NBEA: variants seen among roughly 807,000 people sequenced by gnomAD.
NBEA encodes the protein lysosomal-trafficking regulator 2.
Under a neutral mutation model 343.4 loss-of-function variants are expected in NBEA, and 44 were observed. The ratio of observed to expected loss-of-function variants is 0.13; its 90% CI spans 0.10 to 0.16. The LOEUF is 0.16. Among genes scored for constraint, NBEA ranks in the 10% least tolerant of loss-of-function variants. The pLI, the probability that NBEA is intolerant of heterozygous loss-of-function variation, is 1.00. For missense variants in NBEA, 2,555 were observed against 3,631.3 expected (o/e 0.70, Z 7.62); for synonymous variants, 1,175 against 1,238.7 (o/e 0.95, Z 1.08).
At chr13:35,406,297 C>CT (rs10638454) in intron 38 of NBEA, among the ~76,000 whole-genome samples, 1,672 of 144,074 alleles carry the variant, frequency 0.012, 19 homozygotes, top group Middle Eastern at 0.025. Context: ...TCAGCCAAAT[C>CT]TTTTTTTTTT....
chr13:34,980,599 C>T (rs1413165992), intron 1 of NBEA, among the ~76,000 whole-genome samples: 1 of 151,946 alleles, frequency 6.6e-6, no homozygotes, highest in African/African-American at 2.4e-5. Flanking sequence ...GTAATGAGGG[C>T]TCTGCCTTGT....
chr13:35,471,001 A>G (rs933286069), intron 40 of NBEA, among the ~76,000 whole-genome samples: 1 of 152,088 alleles, frequency 6.6e-6, no homozygotes, highest in Admixed American at 6.5e-5. Flanking sequence ...CGAGGCCCAG[A>G]GTCCGCGAGC....
Position 35,665,177 on chromosome 13 carries a change from G to A in NBEA, c.8455G>A (p.Gly2819Ser). 1 of 1,584,914 alleles carries A rather than the reference G, an allele frequency of 6.3e-7. No homozygotes were observed. The highest frequency in any genetic ancestry group is 8.6e-7 in the Non-Finnish European group (1 of 1,163,156). ...VCAELGLVIS[G>S]AKEGPCLVHT... ...TGCAGAACTTGGGCTTGTTATCAGTGGTGCTAAAGGTCAGAAGTCATTTCT... is the reference window on the plus strand; with the variant it reads ...TGCAGAACTTGGGCTTGTTATCAGTAGTGCTAAAGGTCAGAAGTCATTTCT... The change falls in exon 56 of 59, where the codon GGT becomes AGT. Residue 2819 changes from glycine to serine, a missense_variant. Gly to Ser is a moderately conservative substitution (Grantham distance 56, BLOSUM62 0). Around this residue, in one of 21 missense-constraint regions of NBEA, gnomAD observed 186 missense variants for 328.9 expected, o/e 0.57. Coordinates refer to ENST00000379939, the MANE Select transcript of NBEA (RefSeq NM_001385012.1).
At chr13:35,426,283 TG>T (rs1328974294) in intron 38 of NBEA, among the ~76,000 whole-genome samples, 6 of 152,236 alleles carry the variant, frequency 3.9e-5, no homozygotes, top group African/African-American at 1.4e-4. Flanking sequence ...CAGTGGCTGC[TG>T]CCGGTTGTTC....
At chr13:35,440,203 A>G (rs2045661464) in intron 39 of NBEA, among the ~76,000 whole-genome samples, 1 of 152,158 alleles carries the variant, frequency 6.6e-6, no homozygotes, top group Non-Finnish European at 1.5e-5. Context: ...ATTTTAAGGT[A>G]TACAAACAGA....
intron 41 of NBEA, among the ~76,000 whole-genome samples, chr13:35,546,713 C>T (rs913047699): frequency 1.8e-4 from 27 of 151,784 alleles, no homozygotes; most frequent in East Asian, 1.9e-4. Flanking sequence ...CAACCATGAC[C>T]GGCTAATTTT....
At chr13:34,960,074 A>G (rs2059612523) in intron 1 of NBEA, among the ~76,000 whole-genome samples, 1 of 152,132 alleles carries the variant, frequency 6.6e-6, no homozygotes. Context: ...TTATGATAAG[A>G]GATGACAGCT....
chr13:35,164,573 G>A, intron 24 of NBEA, 64 bp downstream of exon 24: 1 of 1,509,012 alleles, frequency 6.6e-7, no homozygotes. Flanking sequence ...CATTTCAGTG[G>A]TGGTCTAGGC....
intron 1 of NBEA, among the ~76,000 whole-genome samples, chr13:34,967,345 T>C (rs2059855407): frequency 6.6e-6 from 1 of 151,596 alleles, no homozygotes; most frequent in Non-Finnish European, 1.5e-5. Context: ...TTTTTTCTTT[T>C]ACCTTTTTTT....
At chr13:35,584,172 A>G (rs1005792220) in intron 46 of NBEA, 134 bp downstream of exon 46, 28 of 971,702 alleles carry the variant, frequency 2.9e-5, no homozygotes, top group Non-Finnish European at 4.1e-5. Context: ...TAAAGATTTC[A>G]AAGTAGCAAA....
intron 18 of NBEA, among the ~76,000 whole-genome samples, chr13:35,143,557 TA>T (rs1340715618): frequency 6.6e-6 from 1 of 152,162 alleles, no homozygotes; most frequent in African/African-American, 2.4e-5. Context: ...AGAGAAGACT[TA>T]CAGGTACTAC....
intron 1 of NBEA, among the ~76,000 whole-genome samples, chr13:35,009,503 AT>A (rs1593448800): frequency 6.6e-6 from 1 of 152,176 alleles, no homozygotes; most frequent in East Asian, 1.9e-4. Context: ...CGAGTCAAAA[AT>A]GAGCTGTCCC....
chr13:35,226,685 T>A (rs1259076495), intron 33 of NBEA, among the ~76,000 whole-genome samples: 8 of 104,688 alleles, frequency 7.6e-5, no homozygotes, highest in African/African-American at 2.9e-4. Context: ...GTTCTACATC[T>A]TTTTTTTTTT....
intron 13 of NBEA, among the ~76,000 whole-genome samples, chr13:35,112,436 T>C (rs1365067847): frequency 6.6e-6 from 1 of 152,132 alleles, no homozygotes; most frequent in Non-Finnish European, 1.5e-5. Context: ...TATATAACTT[T>C]GTTTTTGATA....
At chr13:35,105,702 C>T (rs2065887394) in intron 11 of NBEA, among the ~76,000 whole-genome samples, 1 of 152,032 alleles carries the variant, frequency 6.6e-6, no homozygotes, top group Non-Finnish European at 1.5e-5. Flanking sequence ...CTCCCCTCCA[C>T]TCCCTACCAA....
intron 1 of NBEA, among the ~76,000 whole-genome samples, chr13:35,033,359 T>A (rs1315634688): frequency 1.3e-5 from 2 of 151,942 alleles, no homozygotes; most frequent in African/African-American, 4.8e-5. Context: ...GTTACATTGG[T>A]CTCTGTGTCT....
At chr13:35,199,828 C>G (rs989467589) in intron 31 of NBEA, among the ~76,000 whole-genome samples, 1 of 152,010 alleles carries the variant, frequency 6.6e-6, no homozygotes, top group Non-Finnish European at 1.5e-5. Flanking sequence ...CATATTTCAT[C>G]AGATTATGAA....
chr13:35,405,995 A>G (rs2043249011), intron 38 of NBEA, among the ~76,000 whole-genome samples: 1 of 152,118 alleles, frequency 6.6e-6, no homozygotes, highest in Non-Finnish European at 1.5e-5. Context: ...AAGAGCTCTA[A>G]AAAGGTTTGT....
intron 1 of NBEA, among the ~76,000 whole-genome samples, chr13:34,973,858 C>T (rs964627531): frequency 6.6e-6 from 1 of 152,168 alleles, no homozygotes; most frequent in African/African-American, 2.4e-5. Context: ...AGTCCAACCT[C>T]CTGCGTTGCT....
Sources: gnomAD v4.1 joint callset for allele counts (sites outside exome capture counted in the v4.1 genomes callset) on GRCh38, gnomAD v4.1.1 for gene constraint, gnomAD v4.1.1 regional missense constraint, MANE v1.5 for transcripts, NCBI Gene and HGNC (gene_info 2026-07-23, HGNC 2026-07-21) for gene names.